Variants in ADD3 observed in about 807,000 individuals in gnomAD.
ADD3 encodes adducin 3, also known as gamma-adducin.
Under a neutral mutation model 80.2 loss-of-function variants are expected in ADD3, and 25 were observed. The ratio of observed to expected loss-of-function variants is 0.31; its 90% CI spans 0.23 to 0.44. The LOEUF is 0.44. Ranked by LOEUF, ADD3 falls within the 20% of genes least tolerant of loss-of-function variation. ADD3 has a pLI of 1.00. For missense variants in ADD3, 829 were observed against 847.5 expected (o/e 0.98, Z 0.27); for synonymous variants, 284 against 289.6 (o/e 0.98, Z 0.20).
At chr10:110,031,630 A>G (rs1027001480) in intron 1 of ADD3, among the ~76,000 whole-genome samples, 1 of 152,036 alleles carries the variant, frequency 6.6e-6, no homozygotes, top group Non-Finnish European at 1.5e-5. Context: ...ACTGATCAGT[A>G]CTTAGGATCC....
rs111902463 is a variant in ADD3 at position 110,130,503 on chromosome 10, A to T, written c.1732+17A>T. On this transcript the variant is annotated intron_variant, in intron 13 of 14. Coordinates refer to ENST00000356080, the MANE Select transcript of ADD3 (RefSeq NM_016824.5). ...GCCTAGAAGGTTAGTTAATCTTTACATTCAACCTAGGGTAAGCCACACTGA... is the reference window on the plus strand; with the variant it reads ...GCCTAGAAGGTTAGTTAATCTTTACTTTCAACCTAGGGTAAGCCACACTGA... 1.2e-6 allele frequency: 2 copies of T among 1,612,498 alleles called. No individual in the cohort carries two copies. The highest frequency in any genetic ancestry group is 2.7e-5 in the African/African-American group (2 of 74,978).
chr10:110,115,459 G>A (rs562430197), intron 3 of ADD3, among the ~76,000 whole-genome samples: 13 of 152,174 alleles, frequency 8.5e-5, no homozygotes, highest in African/African-American at 2.9e-4. Flanking sequence ...ACCAGGGAGT[G>A]AGTCGTCTAC....
chr10:110,049,082 C>G (rs545845809), intron 1 of ADD3, among the ~76,000 whole-genome samples: 1 of 152,308 alleles, frequency 6.6e-6, no homozygotes, highest in South Asian at 2.1e-4. Flanking sequence ...TAAAAGGGGC[C>G]AAGTTACAGC....
intron 1 of ADD3, among the ~76,000 whole-genome samples, chr10:110,047,161 C>T (rs1396926426): frequency 1.3e-5 from 2 of 152,156 alleles, no homozygotes; most frequent in African/African-American, 4.8e-5. Context: ...TATTCATTAT[C>T]TTTCCATTTA....
chr10:110,113,850 T>C (rs1292011156), intron 3 of ADD3, among the ~76,000 whole-genome samples: 1 of 152,162 alleles, frequency 6.6e-6, no homozygotes, highest in African/African-American at 2.4e-5. Flanking sequence ...TGCCAAGACA[T>C]TGCAGCAATT....
At position 110,117,329 on chromosome 10, in the gene ADD3, T is replaced by G. The variant is rs1373830314; in HGVS notation, c.487-13T>G. The G allele has an allele frequency of 6.2e-6, 9 of 1,460,724 alleles. No individual in the cohort carries two copies. Among genetic ancestry groups the G allele is most frequent in the East Asian group, 2.3e-5 (1 of 43,742 alleles). 90.5% of individuals were successfully genotyped at this position (1,460,724 alleles called of 1,614,324 possible). On this transcript the variant is annotated splice_polypyrimidine_tract_variant and intron_variant, in intron 4 of 14. Transcript: ENST00000356080. ...ACCACTTCATAGTAATTCCCTGTTG[T>G]TTTTTTTTCCAGGTAAGAATAAGTA...
chr10:110,050,184 A>G (rs1002521624), intron 1 of ADD3, among the ~76,000 whole-genome samples: 2 of 152,102 alleles, frequency 1.3e-5, no homozygotes, highest in African/African-American at 4.8e-5. Flanking sequence ...AAATATGAGG[A>G]CATGAGATTT....
intron 1 of ADD3, among the ~76,000 whole-genome samples, chr10:110,028,602 T>G (rs1854596022): frequency 1.3e-5 from 2 of 152,080 alleles, no homozygotes; most frequent in Admixed American, 1.3e-4. Flanking sequence ...TTTACAAAAT[T>G]GACTGGGACT....
upstream of ADD3, chr10:110,005,974 A>AGCTGCTGCTGCTAATGCT (rs1851604332): frequency 8.3e-6 from 2 of 240,950 alleles, no homozygotes; most frequent in African/African-American, 2.3e-5. Context: ...CATTGAGAGA[A>AGCTGCTGCTGCTAATGCT]GCTGCTGCTG....
intron 1 of ADD3, among the ~76,000 whole-genome samples, chr10:110,059,855 C>T (rs1332913388): frequency 6.6e-6 from 1 of 152,204 alleles, no homozygotes; most frequent in East Asian, 1.9e-4. Flanking sequence ...TTGCTACAAC[C>T]TGTTTATTCT....
intron 1 of ADD3, among the ~76,000 whole-genome samples, chr10:110,070,745 T>TG (rs1005643684): frequency 9.9e-5 from 15 of 151,852 alleles, no homozygotes; most frequent in African/African-American, 3.6e-4. Context: ...GGATAAAGAT[T>TG]GGGGGGTAGG....
In ADD3 at chr10:110,037,440, AC is replaced by A. The variant is rs1855792470; in HGVS notation, c.-30+29142del. On this transcript the variant is annotated intron_variant, in intron 1 of 14. Coordinates refer to ENST00000356080, the MANE Select transcript of ADD3 (RefSeq NM_016824.5). Reference sequence around the variant, plus strand: ...GCCAACATGGTGAAACCCCGTCTCTACTGAAAATATAAAAACTAGCCAGGCG... The same window carrying A: ...GCCAACATGGTGAAACCCCGTCTCTATGAAAATATAAAAACTAGCCAGGCG... 2.0e-5 allele frequency among the ~76,000 whole-genome samples: 3 copies of A among 151,874 alleles called. No homozygotes were observed. In the South Asian group the frequency reaches 6.2e-4, roughly 32 times the overall value.
At chr10:110,040,007 A>G (rs150469885) in intron 1 of ADD3, among the ~76,000 whole-genome samples, 3 of 152,280 alleles carry the variant, frequency 2.0e-5, no homozygotes, top group Non-Finnish European at 4.4e-5. Flanking sequence ...TCTTGTGAAC[A>G]TACCACCACT....
chr10:110,103,952 TCTC>T (rs960374787), intron 2 of ADD3, among the ~76,000 whole-genome samples: 1 of 152,228 alleles, frequency 6.6e-6, no homozygotes, highest in African/African-American at 2.4e-5. Flanking sequence ...ACACTCTTCT[TCTC>T]CTAGCACCTC....
At chr10:110,056,074 T>C (rs1835120819) in intron 1 of ADD3, among the ~76,000 whole-genome samples, 1 of 152,200 alleles carries the variant, frequency 6.6e-6, no homozygotes, top group African/African-American at 2.4e-5. Context: ...AAGCAGATTT[T>C]TATAAGTCAG....
At chr10:110,091,981 A>G (rs1363162904) in intron 1 of ADD3, among the ~76,000 whole-genome samples, 1 of 152,214 alleles carries the variant, frequency 6.6e-6, no homozygotes, top group African/African-American at 2.4e-5. Context: ...ATGCATATGG[A>G]AAAATGCTCA....
At chr10:110,077,852 T>G (rs1343703941) in intron 1 of ADD3, among the ~76,000 whole-genome samples, 1 of 152,154 alleles carries the variant, frequency 6.6e-6, no homozygotes, top group East Asian at 1.9e-4. Flanking sequence ...TTTAAATGCC[T>G]TTGGAGTGTT....
chr10:110,048,732 G>A (rs1857167310), intron 1 of ADD3, among the ~76,000 whole-genome samples: 1 of 152,164 alleles, frequency 6.6e-6, no homozygotes, highest in African/African-American at 2.4e-5. Flanking sequence ...GAGGTGACTT[G>A]GGTGCTGTTA....
chr10:110,114,216 G>A (rs376572122), intron 3 of ADD3, among the ~76,000 whole-genome samples: 16 of 152,192 alleles, frequency 1.1e-4, no homozygotes, highest in African/African-American at 3.4e-4. Flanking sequence ...AGTGAAAAGC[G>A]GAAGTTAAAG....
Sources: allele counts gnomAD v4.1 joint callset (sites outside exome capture counted in the v4.1 genomes callset), GRCh38; gene constraint gnomAD v4.1.1; transcripts MANE v1.5; gene names NCBI Gene and HGNC (gene_info 2026-07-23, HGNC 2026-07-21).